The following HAS2 variants were observed in gnomAD, a reference collection of about 807,000 sequenced individuals.
The protein encoded by HAS2 is HA synthase 2.
In HAS2, 16 loss-of-function variants were observed where a neutral mutation model predicts 51.6. That is an observed-to-expected ratio of 0.31 (90% CI 0.21 to 0.47). HAS2 has a LOEUF of 0.47. Ranked by LOEUF, HAS2 falls within the 20% of genes least tolerant of loss-of-function variation. HAS2 has a pLI of 1.00. For missense variants in HAS2, 361 were observed against 662.6 expected, an observed-to-expected ratio of 0.54 and a Z score of 5.00; for synonymous variants, 228 against 235.5, an observed-to-expected ratio of 0.97 and a Z score of 0.29.
At chr8:121,638,721 A>G (rs1813046156) in intron 1 of HAS2, among the ~76,000 whole-genome samples, 1 of 152,208 alleles carries the variant, frequency 6.6e-6, no homozygotes, top group Non-Finnish European at 1.5e-5. Flanking sequence ...CTTTTGGTGG[A>G]GTATGATGGG....
At chr8:121,639,257 T>A (rs1336777189) in intron 1 of HAS2, 1 of 152,252 alleles carries the variant, frequency 6.6e-6, no homozygotes, top group African/African-American at 2.4e-5. Flanking sequence ...GGGGCTTCCC[T>A]ATCTATTGCG....
At position 121,614,550 on chromosome 8, in the gene HAS2, A is replaced by G; in HGVS notation, c.1218T>C (p.Ile406=). 6.2e-7 allele frequency: 1 copy of G among 1,614,154 alleles called. No individual in the cohort carries two copies. Among genetic ancestry groups the G allele is most frequent in the South Asian group, 1.1e-5 (1 of 91,080 alleles). ...GCTGGACAGTTAACAAGAAGAGGAG[A>G]ATGTTCCAAATTTTACCCCGGTAGA... ...QLFYRGKIWN[I]LLFLLTVQLV... is the part of the protein sequence containing the mutation. Residue 406 remains isoleucine, a synonymous_variant, in exon 4 of 4, where the codon ATT becomes ATC. Transcript: ENST00000303924. The surrounding 1 kb of genome is among the most constrained non-coding windows in gnomAD (Gnocchi z 7.2).
In HAS2 at chr8:121,614,285, T is replaced by A; in HGVS notation, c.1483A>T (p.Thr495Ser). The A allele has an allele frequency of 6.2e-7, 1 of 1,614,130 alleles. No homozygotes were observed. The highest frequency in any genetic ancestry group is 8.5e-7 in the Non-Finnish European group (1 of 1,179,996). The change falls in exon 4 of 4, where the codon ACC (threonine) becomes TCC (serine). Residue 495 changes from threonine to serine, a missense_variant. Around this residue, in one of 5 missense-constraint regions of HAS2, gnomAD observed 61 missense variants for 73.1 expected, o/e 0.84. Transcript: ENST00000303924. This position sits in a 1 kb window ranked among gnomAD's most constrained non-coding sequence, Gnocchi z 7.2. ...GGCCTTTTAGACTCCTTATAAATGG[T>A]GAAAATCACACCACCCAGGAGGATT... is the stretch of plus-strand genomic sequence containing the variant. ...FTILLGGVIF[T>S]IYKESKRPFS...
At chr8:121,639,571 AG>A (rs1225579575) in intron 1 of HAS2, 2 of 152,544 alleles carry the variant, frequency 1.3e-5, no homozygotes, top group Non-Finnish European at 2.9e-5. Flanking sequence ...AATAGGACAC[AG>A]GTCTTGCAAG....
intron 2 of HAS2, among the ~76,000 whole-genome samples, chr8:121,620,655 C>A (rs1812762617): frequency 6.6e-6 from 1 of 152,152 alleles, no homozygotes; most frequent in Non-Finnish European, 1.5e-5. Flanking sequence ...CCACCTCAGT[C>A]TTAACCACAG....
In HAS2 at chr8:121,614,476, A is replaced by C. The variant is rs760759781; in HGVS notation, c.1292T>G (p.Ile431Ser). 2 of 1,613,978 alleles carry C rather than the reference A, an allele frequency of 1.2e-6. No homozygotes were observed. The highest frequency in any genetic ancestry group is 3.3e-4 in the Middle Eastern group (2 of 6,062). Residue 431 changes from isoleucine (I) to serine (S), a missense_variant, in exon 4 of 4, where the codon ATC becomes AGC. By Grantham distance (142) the Ile-to-Ser change is moderately radical. Around this residue, in one of 5 missense-constraint regions of HAS2, gnomAD observed 106 missense variants for 241.0 expected, o/e 0.44. Transcript: ENST00000303924. The surrounding 1 kb of genome is among the most constrained non-coding windows in gnomAD (Gnocchi z 7.2). ...GTAGAGAGACATGAAGACCATGACGATATTTCCTCTAAGGCAGCTGGCAAA... is the reference window on the plus strand; with the variant it reads ...GTAGAGAGACATGAAGACCATGACGCTATTTCCTCTAAGGCAGCTGGCAAA... Reference protein sequence around the residue: ...SSFASCLRGNIVMVFMSLYSV... With the variant: ...SSFASCLRGNSVMVFMSLYSV...
chr8:121,624,698 C>T (rs969117533), intron 2 of HAS2, among the ~76,000 whole-genome samples: 4 of 152,178 alleles, frequency 2.6e-5, no homozygotes, highest in Non-Finnish European at 5.9e-5. Flanking sequence ...CTAATGCAGA[C>T]ATCAGGGGAT....
intron 2 of HAS2, among the ~76,000 whole-genome samples, chr8:121,622,316 A>AC (rs1338448250): frequency 6.6e-6 from 1 of 152,086 alleles, no homozygotes; most frequent in Non-Finnish European, 1.5e-5. Flanking sequence ...AAACAAACAA[A>AC]AAAAGTACTA....
At chr8:121,638,897 G>T (rs1457777839) in intron 1 of HAS2, among the ~76,000 whole-genome samples, 1 of 152,160 alleles carries the variant, frequency 6.6e-6, no homozygotes, top group Non-Finnish European at 1.5e-5. Flanking sequence ...TAAAAAAATT[G>T]TATCTACAAA....
intron 1 of HAS2, among the ~76,000 whole-genome samples, chr8:121,635,176 A>T (rs1167420321): frequency 6.6e-6 from 1 of 152,118 alleles, no homozygotes; most frequent in Non-Finnish European, 1.5e-5. Flanking sequence ...ATTTCAGAGA[A>T]TTTGACCTCT....
intron 2 of HAS2, among the ~76,000 whole-genome samples, chr8:121,626,495 T>C (rs1276047248): frequency 6.6e-6 from 1 of 152,168 alleles, no homozygotes; most frequent in Non-Finnish European, 1.5e-5. Flanking sequence ...GCCCCCATTT[T>C]CTCTTGTGTA....
chr8:121,637,390 C>CTTT (rs397728062), intron 1 of HAS2, among the ~76,000 whole-genome samples: 37,970 of 130,462 alleles, frequency 0.29, 8,084 homozygotes, highest in East Asian at 0.69. Context: ...TCAAAATAGA[C>CTTT]TTTTTTTTTT....
rs372123659 is a variant in HAS2, at chr8:121,625,195, T to C, written c.627+3519A>G. ...AAAACATTAACATAATCCCAAAGTGTTCTAAAAACAAGGGAAAAAACAGAA... is the reference window on the plus strand; with the variant it reads ...AAAACATTAACATAATCCCAAAGTGCTCTAAAAACAAGGGAAAAAACAGAA... On this transcript the variant is annotated intron_variant, in intron 2 of 3. Transcript: ENST00000303924. 9.2e-5 allele frequency among the ~76,000 whole-genome samples: 14 copies of C among 151,690 alleles called. No homozygotes were observed. The East Asian group carries it at 2.2e-3, about 24-fold the overall frequency.
In HAS2 at chr8:121,624,553, A is replaced by C. The variant is rs73320634; in HGVS notation, c.627+4161T>G. The stretch of plus-strand genomic sequence containing the variant: ...TCAACTCTACTGTTAGGAATAATAA[A>C]GCCTTACATTTTTCCCCAAAGAATT... On this transcript the variant is annotated intron_variant, in intron 2 of 3. Coordinates refer to ENST00000303924, the MANE Select transcript of HAS2 (RefSeq NM_005328.3). Among the ~76,000 whole-genome samples the C allele has an allele frequency of 6.1e-3, 932 of 152,364 alleles. 12 individuals carry two copies. The highest frequency in any genetic ancestry group is 0.021 in the African/African-American group (891 of 41,582).
rs200536183 is a variant in HAS2, at chr8:121,619,539, GA to G, written c.628-2334del. ...TTCAGCATAGTCTCACTTATTTTAA[GA>G]AAAAAAAAATTAGGCAGAAGCTAGG... is the stretch of plus-strand genomic sequence containing the variant. On this transcript the variant is annotated intron_variant, in intron 2 of 3. Transcript: ENST00000303924. 9.4e-3 allele frequency among the ~76,000 whole-genome samples: 1,403 copies of G among 149,508 alleles called. 20 individuals carry two copies. Among genetic ancestry groups the G allele is most frequent in the African/African-American group, 0.031 (1,286 of 40,848 alleles).
Position 121,614,619 on chromosome 8 carries a change from A to G in HAS2, c.1149T>C (p.Thr383=), listed in dbSNP as rs369979046. Residue 383 remains threonine, a synonymous_variant, in exon 4 of 4, where the codon ACT becomes ACC. Transcript: ENST00000303924. This position sits in a 1 kb window ranked among gnomAD's most constrained non-coding sequence, Gnocchi z 7.2. The stretch of plus-strand genomic sequence containing the variant: ...CAATGAGAAAGAAAGGAAAGAATCC[A>G]GTGATAATCGCTTCGTAGGTCATCC... ...HLWMTYEAII[T]GFFPFFLIAT... is the part of the protein sequence containing the mutation. The G allele has an allele frequency of 6.2e-6, 10 of 1,614,120 alleles. No individual in the cohort carries two copies. The highest frequency in any genetic ancestry group is 3.3e-4 in the Middle Eastern group (2 of 6,062).
At position 121,629,328 on chromosome 8, in the gene HAS2, T is replaced by A; in HGVS notation, c.13A>T (p.Arg5Trp). 2 of 1,607,596 alleles carry A rather than the reference T, an allele frequency of 1.2e-6. No individual in the cohort carries two copies. The highest frequency in any genetic ancestry group is 2.2e-5 in the East Asian group (1 of 44,858). Residue 5 changes from arginine to tryptophan, a missense_variant, in exon 2 of 4, where the codon AGG (arginine) becomes TGG (tryptophan). This residue lies in a region of HAS2 where 145 missense variants were observed against 217.6 expected (regional missense o/e 0.67). Transcript: ENST00000303924. The part of the protein sequence containing the change: MHCE[R>W]FLCILRIIGT... ...ATTATTCTCAGGATACATAGAAACC[T>A]CTCACAATGCATCTGTAATATAATC...
At chr8:121,616,519 C>T (rs904665641) in intron 3 of HAS2, among the ~76,000 whole-genome samples, 7 of 151,704 alleles carry the variant, frequency 4.6e-5, no homozygotes, top group African/African-American at 1.7e-4. Context: ...TCATTGCAAC[C>T]TCCACCTCCC....
chr8:121,615,536 G>T lies in HAS2; in HGVS notation c.730-498C>A, dbSNP rs571633086. Among the ~76,000 whole-genome samples the T allele has an allele frequency of 1.2e-4, 18 of 152,174 alleles. No individual in the cohort carries two copies. The South Asian group carries it at 3.7e-3, about 32-fold the overall frequency. The stretch of plus-strand genomic sequence containing the variant: ...GACGGGGTTTCGCCATTTTGGCCAG[G>T]CTGGTCTTGCTCCTGACCTCAGATG... On this transcript the variant is annotated intron_variant, in intron 3 of 3. Coordinates refer to ENST00000303924, the MANE Select transcript of HAS2 (RefSeq NM_005328.3).
Sources: allele counts gnomAD v4.1 joint callset (sites outside exome capture counted in the v4.1 genomes callset), GRCh38; gene constraint gnomAD v4.1.1; regional missense constraint gnomAD v4.1.1; non-coding constraint Gnocchi (gnomAD v3.1); transcripts MANE v1.5; gene names NCBI Gene and HGNC (gene_info 2026-07-23, HGNC 2026-07-21).